The following BRD4 variants were observed in gnomAD, a reference collection of about 807,000 sequenced individuals.
BRD4 encodes bromodomain-containing protein 4.
In BRD4, 16 loss-of-function variants were observed where a neutral mutation model predicts 142.1. The observed-to-expected ratio is 0.11, with a 90% CI of 0.08 to 0.17. BRD4 has a LOEUF of 0.17. Among genes scored for constraint, BRD4 ranks in the 10% least tolerant of loss-of-function variants. The pLI, the probability that BRD4 is intolerant of heterozygous loss-of-function variation, is 1.00. For synonymous variants in BRD4, 833 were observed against 707.5 expected, an observed-to-expected ratio of 1.18 and a Z score of -2.82; for missense variants, 1,424 against 1,810.9, an observed-to-expected ratio of 0.79 and a Z score of 3.88.
chr19:15,269,691 G>A (rs2047567571), intron 2 of BRD4, among the ~76,000 whole-genome samples: 1 of 152,014 alleles, frequency 6.6e-6, no homozygotes. Flanking sequence ...TGACAAATCT[G>A]GACAGCCTTC....
intron 1 of BRD4, among the ~76,000 whole-genome samples, chr19:15,307,532 A>G (rs1421487592): frequency 6.6e-6 from 1 of 152,232 alleles, no homozygotes; most frequent in Non-Finnish European, 1.5e-5. Context: ...CTAATTGCCC[A>G]TATAAAACAC....
chr19:15,320,349 A>G (rs1345965217), intron 1 of BRD4, among the ~76,000 whole-genome samples: 1 of 152,206 alleles, frequency 6.6e-6, no homozygotes, highest in Non-Finnish European at 1.5e-5. Context: ...CGAGAACTTG[A>G]GTATGGAAAT....
chr19:15,312,557 G>A (rs1037433824), intron 1 of BRD4, among the ~76,000 whole-genome samples: 11 of 151,854 alleles, frequency 7.2e-5, no homozygotes, highest in Non-Finnish European at 1.2e-4. Flanking sequence ...GCTTGAACGC[G>A]GGAGGCGGAA....
chr19:15,291,846 C>G (rs2047784192), intron 1 of BRD4, among the ~76,000 whole-genome samples: 1 of 152,184 alleles, frequency 6.6e-6, no homozygotes. Context: ...GGTTTGCATG[C>G]TGTACTACTT....
At chr19:15,312,865 G>A (rs1275897108) in intron 1 of BRD4, among the ~76,000 whole-genome samples, 2 of 152,128 alleles carry the variant, frequency 1.3e-5, no homozygotes, top group Non-Finnish European at 2.9e-5. Context: ...GAAGCCGGGA[G>A]GCAGAAGTTG....
Position 15,255,589 on chromosome 19 carries a change from C to T in BRD4, c.1755G>A (p.Lys585=). Residue 585 remains lysine (K), a synonymous_variant, in exon 10 of 20, where the codon AAG becomes AAA. Transcript: ENST00000679869. ...TGCTCTTCATGGGCGCTGGCTCCTTCTTGCTACGAAGGGACGATGCAGACA... is the reference window on the plus strand; with the variant it reads ...TGCTCTTCATGGGCGCTGGCTCCTTTTTGCTACGAAGGGACGATGCAGACA... ...KNNSSNSNVS[K]KEPAPMKSKP... 6.2e-7 allele frequency: 1 copy of T among 1,602,144 alleles called. No homozygotes were observed. Among genetic ancestry groups the T allele is most frequent in the African/African-American group, 1.3e-5 (1 of 74,734 alleles).
Position 15,243,419 on chromosome 19 carries a change from G to T in BRD4, c.2650C>A (p.Pro884Thr). ...SNRAAALPPK[P>T]ARPPAVSPAL... ...GGTGACACGGCTGGGGGCCGGGCGG[G>T]CTTGGGAGGCAGGGCAGCGGCTCGG... is the stretch of plus-strand genomic sequence containing the variant. Residue 884 changes from proline (P) to threonine (T), a missense_variant, in exon 14 of 20, where the codon CCC becomes ACC. By Grantham distance (38) the Pro-to-Thr change is conservative. Coordinates refer to ENST00000679869, the MANE Select transcript of BRD4 (RefSeq NM_001379291.1). The T allele has an allele frequency of 6.4e-7, 1 of 1,573,808 alleles. No individual in the cohort carries two copies. Among genetic ancestry groups the T allele is most frequent in the Non-Finnish European group, 8.6e-7 (1 of 1,162,514 alleles).
chr19:15,252,188 G>T (rs966311121), intron 11 of BRD4, among the ~76,000 whole-genome samples: 2 of 152,186 alleles, frequency 1.3e-5, no homozygotes, highest in African/African-American at 4.8e-5. Flanking sequence ...GAAGAGGGAC[G>T]CAGAGGCCAA....
At chr19:15,315,922 G>A (rs1033713467) in intron 1 of BRD4, among the ~76,000 whole-genome samples, 3 of 151,536 alleles carry the variant, frequency 2.0e-5, no homozygotes, top group Non-Finnish European at 1.5e-5. Context: ...TTGGGAGGCC[G>A]AGGCGGGCGG....
At chr19:15,262,970 A>C (rs1019459334) in intron 7 of BRD4, among the ~76,000 whole-genome samples, 1 of 152,150 alleles carries the variant, frequency 6.6e-6, no homozygotes, top group Non-Finnish European at 1.5e-5. Flanking sequence ...CAGGACCCCC[A>C]ATCAGAATTG....
intron 1 of BRD4, among the ~76,000 whole-genome samples, chr19:15,320,293 TGAG>T (rs1216569340): frequency 2.0e-5 from 3 of 152,148 alleles, no homozygotes; most frequent in Admixed American, 1.3e-4. Context: ...TATGGAAATC[TGAG>T]GAGGCTTTTC....
At chr19:15,292,777 C>CAAAAAAAAAAAAAAAAAAAA (rs57341445) in intron 1 of BRD4, among the ~76,000 whole-genome samples, 20 of 57,250 alleles carry the variant, frequency 3.5e-4, no homozygotes, top group Non-Finnish European at 3.9e-4. Flanking sequence ...GACTCCGTCT[C>CAAAAAAAAAAAAAAAAAAAA]AAAAAAAAAA....
rs114366257 is a variant in BRD4, at chr19:15,273,247, A to T, written c.-34-114T>A. The stretch of plus-strand genomic sequence containing the variant: ...AGGACTGAGTTCCCTGGCGGTAGCT[A>T]GCCAAGTTGGCCAGAGGGACCACCC... On this transcript the variant is annotated intron_variant, in intron 1 of 19. Transcript: ENST00000679869. 544 of 1,143,092 alleles carry T rather than the reference A, an allele frequency of 4.8e-4. 2 individuals carry two copies. In the African/African-American group the frequency reaches 7.9e-3, roughly 17 times the overall value. The allele number at this position is 1,143,092 out of a possible 1,614,324, so 70.8% of individuals were successfully genotyped here.
intron 7 of BRD4, among the ~76,000 whole-genome samples, chr19:15,260,338 G>A (rs551075079): frequency 6.6e-6 from 1 of 152,320 alleles, no homozygotes; most frequent in African/African-American, 2.4e-5. Flanking sequence ...AGCTCCTGAA[G>A]AAGTGAGCAA....
intron 1 of BRD4, among the ~76,000 whole-genome samples, chr19:15,326,542 TACTC>T (rs1303648245): frequency 1.3e-5 from 2 of 152,294 alleles, no homozygotes; most frequent in South Asian, 2.1e-4. Flanking sequence ...CAAATTGTGT[TACTC>T]AGACAAAGAC....
intron 11 of BRD4, chr19:15,249,414 G>C: frequency 6.5e-7 from 1 of 1,535,046 alleles, no homozygotes; most frequent in South Asian, 1.2e-5. Flanking sequence ...ATGGGCACAA[G>C]AACGGCACTG....
chr19:15,266,547 A>C (rs2047536012), intron 4 of BRD4, among the ~76,000 whole-genome samples: 1 of 152,216 alleles, frequency 6.6e-6, no homozygotes, highest in Non-Finnish European at 1.5e-5. Context: ...GTGAGGACCA[A>C]TATCCTCATG....
rs571783776 is a variant in BRD4, at chr19:15,311,780, C to A, written c.-35+20510G>T. Among the ~76,000 whole-genome samples the A allele has an allele frequency of 2.2e-4, 34 of 152,188 alleles. 1 individual carries two copies. The highest frequency in any genetic ancestry group is 2.1e-3 in the Admixed American group (32 of 15,268). On this transcript the variant is annotated intron_variant, in intron 1 of 19. Coordinates refer to ENST00000679869, the MANE Select transcript of BRD4 (RefSeq NM_001379291.1). The stretch of plus-strand genomic sequence containing the variant: ...TCGCGCCATTGCACTCCAGCCTGGG[C>A]AACAAGAATGAAACTCCATCTCAAA...
rs201317873 is a variant in BRD4 at position 15,239,872 on chromosome 19, C to A, written c.3282+38G>T. On this transcript the variant is annotated intron_variant, in intron 15 of 19. Coordinates refer to ENST00000679869, the MANE Select transcript of BRD4 (RefSeq NM_001379291.1). The surrounding 1 kb of genome is among the most constrained non-coding windows in gnomAD (Gnocchi z 7.4). ...GGTGAGGTGGGCAGGCACCCCCGGC[C>A]CTAGCCCACAGGACTATGGCCCAGC... 8.1e-5 allele frequency: 130 copies of A among 1,613,922 alleles called. No homozygotes were observed. Among genetic ancestry groups the A allele is most frequent in the Non-Finnish European group, 1.0e-4 (122 of 1,180,018 alleles).
Sources: allele counts gnomAD v4.1 joint callset (sites outside exome capture counted in the v4.1 genomes callset), GRCh38; gene constraint gnomAD v4.1.1; non-coding constraint Gnocchi (gnomAD v3.1); transcripts MANE v1.5; gene names NCBI Gene and HGNC (gene_info 2026-07-23, HGNC 2026-07-21).